Variants in TNIP1 observed in about 807,000 individuals in gnomAD.
TNIP1 encodes TNFAIP3-interacting protein 1.
Under a neutral mutation model 86.6 loss-of-function variants are expected in TNIP1, and 22 were observed. The ratio of observed to expected loss-of-function variants is 0.25; its 90% CI spans 0.18 to 0.36. The LOEUF (loss-of-function observed/expected upper bound fraction) is 0.36. Ranked by LOEUF, TNIP1 falls within the 10% of genes least tolerant of loss-of-function variation. TNIP1 has a pLI of 1.00. For missense variants in TNIP1, 709 were observed against 820.6 expected, an observed-to-expected ratio of 0.86 and a Z score of 1.66; for synonymous variants, 294 against 313.0, an observed-to-expected ratio of 0.94 and a Z score of 0.64.
At chr5:151,057,057 T>G (rs780861674) in intron 5 of TNIP1, 100 bp from the exon 6 acceptor site, 96 of 1,195,486 alleles carry the variant, frequency 8.0e-5, no homozygotes, top group Non-Finnish European at 9.0e-5. Flanking sequence ...TGACTCAGTT[T>G]CCCCCTGTGA....
intron 13 of TNIP1, among the ~76,000 whole-genome samples, 153 bp downstream of exon 13, chr5:151,036,637 G>A (rs1757738452): frequency 2.0e-5 from 3 of 152,236 alleles, no homozygotes; most frequent in South Asian, 4.1e-4. Context: ...GTGCTGGAAA[G>A]GATAAACCTA....
chr5:151,058,760 A>G (rs1424636562), intron 5 of TNIP1, among the ~76,000 whole-genome samples: 1 of 152,196 alleles, frequency 6.6e-6, no homozygotes, highest in Non-Finnish European at 1.5e-5. Context: ...AGGCCGGGAA[A>G]CCAAGCTATG....
intron 7 of TNIP1, among the ~76,000 whole-genome samples, chr5:151,051,877 C>T (rs78735551): frequency 3.3e-5 from 5 of 152,102 alleles, no homozygotes; most frequent in Non-Finnish European, 5.9e-5. Flanking sequence ...GCCAGTTCAC[C>T]GTTAACAGGG....
chr5:151,047,914 G>C (rs1212982357), intron 8 of TNIP1, among the ~76,000 whole-genome samples: 4 of 152,060 alleles, frequency 2.6e-5, no homozygotes, highest in African/African-American at 9.7e-5. Context: ...CCTGGAGTCA[G>C]ATTCTCTCTA....
upstream of TNIP1, chr5:151,087,313 C>T (rs1263477172): frequency 6.6e-6 from 1 of 152,470 alleles, no homozygotes; most frequent in Non-Finnish European, 1.5e-5. Context: ...TTGTCAGCCT[C>T]CACCTGTCAC....
At chr5:151,075,561 G>C (rs1329759063) in intron 1 of TNIP1, among the ~76,000 whole-genome samples, 1 of 152,154 alleles carries the variant, frequency 6.6e-6, no homozygotes, top group African/African-American at 2.4e-5. Context: ...CTGATATTTA[G>C]CTCCACTTAT....
At chr5:151,059,316 C>T (rs886354217) in intron 5 of TNIP1, among the ~76,000 whole-genome samples, 1 of 152,222 alleles carries the variant, frequency 6.6e-6, no homozygotes, top group African/African-American at 2.4e-5. Context: ...CAGAAGGTTC[C>T]AGGCGACAGA....
At chr5:151,043,470 G>A (rs771853808) in intron 9 of TNIP1, among the ~76,000 whole-genome samples, 8 of 152,178 alleles carry the variant, frequency 5.3e-5, no homozygotes, top group Non-Finnish European at 8.8e-5. Flanking sequence ...ATGTGCAGCT[G>A]TTAAGAAAAT....
At chr5:151,034,685 A>C (rs1017077312) in intron 15 of TNIP1, 9 of 394,054 alleles carry the variant, frequency 2.3e-5, no homozygotes, top group African/African-American at 1.9e-4. Context: ...AGGCTGGTAC[A>C]TGGGCACGGA....
intron 15 of TNIP1, 138 bp from the exon 16 acceptor site, chr5:151,033,937 G>C: frequency 1.5e-6 from 1 of 678,794 alleles, no homozygotes; most frequent in Non-Finnish European, 2.3e-6. Context: ...GTCATGAAAG[G>C]CTGCTACATG....
At chr5:151,052,398 C>A in intron 6 of TNIP1, 139 bp from the exon 7 acceptor site, 1 of 690,852 alleles carries the variant, frequency 1.4e-6, no homozygotes, top group South Asian at 1.8e-5. Context: ...CACCCCATCC[C>A]TCTCTAAGGA....
intron 15 of TNIP1, among the ~76,000 whole-genome samples, chr5:151,034,169 C>T (rs1261644756): frequency 7.1e-6 from 1 of 139,912 alleles, no homozygotes; most frequent in Non-Finnish European, 1.5e-5. Context: ...GCACAGAAGG[C>T]TAGTACATGG....
At chr5:151,034,230 G>C (rs1757352675) in intron 15 of TNIP1, among the ~76,000 whole-genome samples, 1 of 149,520 alleles carries the variant, frequency 6.7e-6, no homozygotes, top group Non-Finnish European at 1.5e-5. Flanking sequence ...GGACACGGAA[G>C]GCTGGTACAT....
intron 1 of TNIP1, among the ~76,000 whole-genome samples, chr5:151,074,025 T>C (rs531042130): frequency 5.9e-5 from 9 of 152,366 alleles, no homozygotes; most frequent in South Asian, 4.1e-4. Context: ...ATTTTACCTA[T>C]GCTATTTTAA....
In TNIP1 at chr5:151,030,746, C is replaced by T; in HGVS notation, c.1878G>A (p.Glu626=). 1.2e-6 allele frequency: 2 copies of T among 1,603,186 alleles called. No individual in the cohort carries two copies. Among genetic ancestry groups the T allele is most frequent in the South Asian group, 1.1e-5 (1 of 89,366 alleles). The change falls in exon 18 of 18, where the codon GAG becomes GAA. Residue 626 remains glutamate, a splice_region_variant and synonymous_variant. Transcript: ENST00000521591. ...GCCCCTCACGGTCATTTTTTGGAGA[C>T]TCTAAATAAACAAAAATTTTGAGGA... ...DPPTARPTEP[E]SPKNDREGPQ
At chr5:151,058,952 T>C (rs1262451567) in intron 5 of TNIP1, among the ~76,000 whole-genome samples, 1 of 152,196 alleles carries the variant, frequency 6.6e-6, no homozygotes, top group East Asian at 1.9e-4. Context: ...TGTAATGGCG[T>C]CAGTGTGCCG....
chr5:151,063,185 T>C (rs543998471), intron 3 of TNIP1, among the ~76,000 whole-genome samples: 4 of 152,272 alleles, frequency 2.6e-5, no homozygotes, highest in Admixed American at 6.5e-5. Context: ...GCTTCCCTAA[T>C]TGTAAAATGG....
chr5:151,034,546 C>T (rs1031638754), intron 15 of TNIP1: 20 of 263,802 alleles, frequency 7.6e-5, no homozygotes, highest in African/African-American at 4.2e-4. Context: ...CACATGGGCA[C>T]GGAAGGCTGA....
chr5:151,055,238 A>G (rs919678603), intron 6 of TNIP1, among the ~76,000 whole-genome samples: 1 of 152,192 alleles, frequency 6.6e-6, no homozygotes, highest in African/African-American at 2.4e-5. Flanking sequence ...GAAAAAAAAG[A>G]GTATAAGAAA....
Sources: allele counts gnomAD v4.1 joint callset (sites outside exome capture counted in the v4.1 genomes callset), GRCh38; gene constraint gnomAD v4.1.1; transcripts MANE v1.5; gene names NCBI Gene and HGNC (gene_info 2026-07-23, HGNC 2026-07-21).